The following RYR2 variants were observed in gnomAD, a reference collection of about 807,000 sequenced individuals.
RYR2 encodes ryanodine receptor 2.
Under a neutral mutation model 601.1 loss-of-function variants are expected in RYR2, and 227 were observed. The ratio of observed to expected loss-of-function variants is 0.38; its 90% CI spans 0.34 to 0.42. The LOEUF is 0.42. Ranked by LOEUF, RYR2 falls within the 10% of genes least tolerant of loss-of-function variation. The pLI is 1.00. For missense variants in RYR2, 4,646 were observed against 6,156.5 expected, an observed-to-expected ratio of 0.75 and a Z score of 8.21; for synonymous variants, 2,223 against 2,175.1, an observed-to-expected ratio of 1.02 and a Z score of -0.61.
At chr1:237,227,160 G>A (rs922584505) in intron 1 of RYR2, among the ~76,000 whole-genome samples, 3 of 152,114 alleles carry the variant, frequency 2.0e-5, no homozygotes, top group Admixed American at 2.0e-4. Flanking sequence ...CGGGAGGAAT[G>A]AGTTCCTATT....
At chr1:237,331,125 T>C in intron 3 of RYR2, 143 bp downstream of exon 3, 1 of 719,266 alleles carries the variant, frequency 1.4e-6, no homozygotes, top group Admixed American at 2.1e-5. Context: ...GGTTTGACTT[T>C]CTGCTTTATC....
chr1:237,645,136 C>G (rs1681995423), intron 48 of RYR2, among the ~76,000 whole-genome samples: 1 of 152,062 alleles, frequency 6.6e-6, no homozygotes, highest in Non-Finnish European at 1.5e-5. Context: ...TATAATAGCT[C>G]AAGTCTAGAA....
At chr1:237,227,554 G>T (rs568880676) in intron 1 of RYR2, among the ~76,000 whole-genome samples, 1 of 152,180 alleles carries the variant, frequency 6.6e-6, no homozygotes, top group Non-Finnish European at 1.5e-5. Flanking sequence ...CTTGGCCAGG[G>T]CTAGTGTCTG....
chr1:237,789,620 C>T (rs545378644), intron 92 of RYR2, among the ~76,000 whole-genome samples: 1 of 97,460 alleles, frequency 1.0e-5, no homozygotes, highest in South Asian at 3.7e-4. Context: ...ATGGGCGCTG[C>T]AGCACCCCAG....
chr1:237,059,396 A>C (rs1336976667), intron 1 of RYR2, among the ~76,000 whole-genome samples: 1 of 152,062 alleles, frequency 6.6e-6, no homozygotes, highest in Non-Finnish European at 1.5e-5. Flanking sequence ...GAGTAATGAC[A>C]CCCTCTTTTG....
chr1:237,533,945 A>T (rs1668368925), intron 25 of RYR2, among the ~76,000 whole-genome samples: 1 of 152,044 alleles, frequency 6.6e-6, no homozygotes. Context: ...ATGATTTTTT[A>T]AAATAAAAAT....
At chr1:237,146,198 G>T (rs529633511) in intron 1 of RYR2, among the ~76,000 whole-genome samples, 2 of 152,316 alleles carry the variant, frequency 1.3e-5, no homozygotes, top group South Asian at 4.1e-4. Context: ...TTATCAGATG[G>T]TAGGGTTTGG....
chr1:237,562,048 A>G (rs1671511924), intron 27 of RYR2, among the ~76,000 whole-genome samples: 1 of 152,188 alleles, frequency 6.6e-6, no homozygotes, highest in Non-Finnish European at 1.5e-5. Flanking sequence ...GTTTAATAAA[A>G]TTGAATCAAG....
intron 25 of RYR2, among the ~76,000 whole-genome samples, chr1:237,543,370 T>G (rs1669501088): frequency 6.6e-6 from 1 of 152,228 alleles, no homozygotes; most frequent in South Asian, 2.1e-4. Context: ...CCTTGTTTTC[T>G]CCCTTCTGGA....
At chr1:237,346,729 C>T (rs1365893271) in intron 3 of RYR2, among the ~76,000 whole-genome samples, 1 of 152,086 alleles carries the variant, frequency 6.6e-6, no homozygotes, top group Non-Finnish European at 1.5e-5. Context: ...AATCACTGGC[C>T]TTACTTTTGT....
chr1:237,795,736 C>T (rs1659037432), intron 96 of RYR2, among the ~76,000 whole-genome samples: 1 of 151,666 alleles, frequency 6.6e-6, no homozygotes, highest in African/African-American at 2.4e-5. Flanking sequence ...AAGGCATGAG[C>T]CACCACATCC....
chr1:237,536,801 G>A (rs1425905761), intron 25 of RYR2, among the ~76,000 whole-genome samples: 1 of 150,028 alleles, frequency 6.7e-6, no homozygotes, highest in Non-Finnish European at 1.5e-5. Flanking sequence ...CAGGAGAATG[G>A]CGTGAACCCG....
rs1481780846 is a variant in RYR2 at position 237,558,622 on chromosome 1, CT to C, written c.3214+7933del. Among the ~76,000 whole-genome samples, 3 of 152,106 alleles carry C rather than the reference CT, an allele frequency of 2.0e-5. 1 individual carries two copies. Among genetic ancestry groups the C allele is most frequent in the East Asian group, 1.9e-4 (1 of 5,178 alleles). The stretch of plus-strand genomic sequence containing the variant: ...GAGTTTATCCCCAAAGTTTACTGTA[CT>C]TCTTAGATGTGTAAATGAATGTTTT... On this transcript the variant is annotated intron_variant, in intron 27 of 104. Coordinates refer to ENST00000366574, the MANE Select transcript of RYR2 (RefSeq NM_001035.3).
chr1:237,758,080 G>T (rs1183700500), intron 82 of RYR2, among the ~76,000 whole-genome samples: 3 of 152,122 alleles, frequency 2.0e-5, no homozygotes, highest in Non-Finnish European at 4.4e-5. Flanking sequence ...GTGGCTCTCT[G>T]GTTATGGAAC....
At chr1:237,171,937 C>T (rs1170206389) in intron 1 of RYR2, among the ~76,000 whole-genome samples, 3 of 152,196 alleles carry the variant, frequency 2.0e-5, no homozygotes, top group African/African-American at 4.8e-5. Context: ...AGTTTTCATT[C>T]TCATCCATTT....
At chr1:237,418,031 A>C (rs1046061112) in intron 11 of RYR2, among the ~76,000 whole-genome samples, 2 of 151,784 alleles carry the variant, frequency 1.3e-5, no homozygotes, top group African/African-American at 4.8e-5. Context: ...GTATAACTAT[A>C]TTTAATTAAT....
chr1:237,649,202 A>G (rs998676292), intron 49 of RYR2, among the ~76,000 whole-genome samples: 1 of 152,244 alleles, frequency 6.6e-6, no homozygotes, highest in South Asian at 2.1e-4. Context: ...GCTACTATAC[A>G]TATTTAATAC....
chr1:237,609,555 G>A (rs879173871), intron 35 of RYR2, among the ~76,000 whole-genome samples: 8 of 151,808 alleles, frequency 5.3e-5, no homozygotes, highest in Non-Finnish European at 7.4e-5. Context: ...GCGAATTTTT[G>A]TATTTTTAGC....
intron 2 of RYR2, among the ~76,000 whole-genome samples, chr1:237,329,793 G>A (rs978819507): frequency 6.6e-6 from 1 of 152,064 alleles, no homozygotes; most frequent in South Asian, 2.1e-4. Context: ...TCTTATCCTG[G>A]TTCCTTCACC....
Sources: gnomAD v4.1 joint callset for allele counts (sites outside exome capture counted in the v4.1 genomes callset) on GRCh38, gnomAD v4.1.1 for gene constraint, MANE v1.5 for transcripts, NCBI Gene and HGNC (gene_info 2026-07-23, HGNC 2026-07-21) for gene names.